The following PPA1 variants were observed in gnomAD, a reference collection of about 807,000 sequenced individuals.
PPA1 encodes inorganic pyrophosphatase 1.
Under a neutral mutation model 41.8 loss-of-function variants are expected in PPA1, and 23 were observed. That is an observed-to-expected ratio of 0.55 (90% CI 0.40 to 0.78). The LOEUF (loss-of-function observed/expected upper bound fraction) is 0.78. Among genes scored for constraint, PPA1 ranks in the 30% least tolerant of loss-of-function variants. PPA1 has a pLI of 0.00. For synonymous variants in PPA1, 101 were observed against 116.8 expected, an observed-to-expected ratio of 0.86 and a Z score of 0.87; for missense variants, 320 against 361.6, an observed-to-expected ratio of 0.89 and a Z score of 0.93.
At position 70,217,939 on chromosome 10, in the gene PPA1, A is replaced by G. The variant is rs375049484; in HGVS notation, c.178-8T>C. The stretch of plus-strand genomic sequence containing the variant: ...AGGGTCCTTTGTAGCAATCTGAAAT[A>G]AGAAAATTTCAAATCTTTGCATATT... On this transcript the variant is annotated splice_region_variant and splice_polypyrimidine_tract_variant and intron_variant, in intron 3 of 10. Coordinates refer to ENST00000373232, the MANE Select transcript of PPA1 (RefSeq NM_021129.4). 1.3e-6 allele frequency: 2 copies of G among 1,536,586 alleles called. No individual in the cohort carries two copies.
chr10:70,211,188 C>T (rs1383741613), intron 6 of PPA1, among the ~76,000 whole-genome samples: 1 of 152,154 alleles, frequency 6.6e-6, no homozygotes, highest in Non-Finnish European at 1.5e-5. Flanking sequence ...TTTCAAAGAA[C>T]TTATAATTTA....
intron 10 of PPA1, chr10:70,204,157 T>C (rs1020347646): frequency 1.3e-5 from 2 of 151,778 alleles, no homozygotes; most frequent in African/African-American, 4.9e-5. Context: ...GCCTGATTAG[T>C]GTTCAAGACC....
rs553020549 is a variant in PPA1, at chr10:70,232,857, C to T, written c.64+407G>A. Reference sequence around the variant, plus strand: ...TTAAGGTCTTTAGGAAGTCACTGCCCCCCCCGGCCCGGAGTCGCCTTTTCT... The same window carrying T: ...TTAAGGTCTTTAGGAAGTCACTGCCTCCCCCGGCCCGGAGTCGCCTTTTCT... On this transcript the variant is annotated intron_variant, in intron 1 of 10. Coordinates refer to ENST00000373232, the MANE Select transcript of PPA1 (RefSeq NM_021129.4). Among the ~76,000 whole-genome samples, 128 of 150,350 alleles carry T rather than the reference C, an allele frequency of 8.5e-4. 1 individual carries two copies. In the South Asian group the frequency reaches 0.026, roughly 31 times the overall value.
intron 10 of PPA1, chr10:70,204,543 C>A (rs942949792): frequency 9.4e-6 from 2 of 212,980 alleles, no homozygotes; most frequent in Admixed American, 5.7e-5. Flanking sequence ...AAAGGGCAGG[C>A]GATGGTCAAA....
chr10:70,208,800 T>G (rs979683482), intron 8 of PPA1, among the ~76,000 whole-genome samples: 1 of 151,606 alleles, frequency 6.6e-6, no homozygotes, highest in African/African-American at 2.4e-5. Flanking sequence ...TACTCTTTTT[T>G]TTTTTTTTTT....
rs1839918043 is a variant in PPA1 at position 70,204,724 on chromosome 10, A to C, written c.838+149T>G. The C allele has an allele frequency of 5.5e-5, 33 of 599,826 alleles. No individual in the cohort carries two copies. In the East Asian group the frequency reaches 1.0e-3, roughly 18 times the overall value. 37.2% of individuals were successfully genotyped at this position (599,826 alleles called of 1,614,324 possible). On this transcript the variant is annotated intron_variant, in intron 10 of 10. Coordinates refer to ENST00000373232, the MANE Select transcript of PPA1 (RefSeq NM_021129.4). ...AATGATTTCGTAATTAGCCAGATTTAATCATTCCACATTGTAAACATATAT... is the reference window on the plus strand; with the variant it reads ...AATGATTTCGTAATTAGCCAGATTTCATCATTCCACATTGTAAACATATAT...
At chr10:70,209,067 G>A in intron 8 of PPA1, 138 bp downstream of exon 8, 1 of 560,930 alleles carries the variant, frequency 1.8e-6, no homozygotes, top group South Asian at 3.5e-5. Flanking sequence ...GTGCTGGAAT[G>A]ACAGGTGTGA....
intron 6 of PPA1, among the ~76,000 whole-genome samples, chr10:70,212,315 A>C (rs1840029555): frequency 6.6e-6 from 1 of 152,208 alleles, no homozygotes; most frequent in East Asian, 1.9e-4. Context: ...TCTTGCTCAA[A>C]GTGTTCTAGC....
At chr10:70,232,262 G>A (rs531097260) in intron 1 of PPA1, among the ~76,000 whole-genome samples, 3 of 152,102 alleles carry the variant, frequency 2.0e-5, no homozygotes, top group Non-Finnish European at 4.4e-5. Context: ...CTCAGAGTTC[G>A]AGGCACCTGC....
intron 2 of PPA1, among the ~76,000 whole-genome samples, chr10:70,227,899 AT>A (rs931152872): frequency 6.6e-6 from 1 of 152,146 alleles, no homozygotes; most frequent in Non-Finnish European, 1.5e-5. Context: ...ATCACAATAG[AT>A]TTTTTATACA....
chr10:70,222,335 C>CAAAAAA (rs67974203), intron 2 of PPA1, among the ~76,000 whole-genome samples: 14 of 73,142 alleles, frequency 1.9e-4, no homozygotes, highest in East Asian at 4.6e-4. Context: ...GACTCCGTCT[C>CAAAAAA]AAAAAAAAAA....
intron 6 of PPA1, among the ~76,000 whole-genome samples, chr10:70,212,546 A>G (rs915820752): frequency 3.3e-5 from 5 of 152,220 alleles, no homozygotes; most frequent in African/African-American, 1.2e-4. Context: ...ATAAACCTAG[A>G]AAACATTATA....
chr10:70,214,714 T>C (rs1589892935), intron 4 of PPA1, 128 bp from the exon 5 acceptor site: 1 of 634,410 alleles, frequency 1.6e-6, no homozygotes, highest in South Asian at 2.5e-5. Context: ...TTTATTCGCA[T>C]TTAAGAATCT....
intron 6 of PPA1, chr10:70,210,169 C>T: frequency 3.0e-6 from 1 of 337,216 alleles, no homozygotes; most frequent in Non-Finnish European, 5.7e-6. Flanking sequence ...GCAGCCTTGA[C>T]CTCCACAGTT....
intron 6 of PPA1, among the ~76,000 whole-genome samples, chr10:70,212,823 CA>C (rs59163604): frequency 0.096 from 11,840 of 123,936 alleles, 1,000 homozygotes; most frequent in African/African-American, 0.25. Flanking sequence ...AATTTACCAC[CA>C]AAAAAAAAAA....
At chr10:70,213,763 TA>T (rs1223225307) in intron 5 of PPA1, among the ~76,000 whole-genome samples, 174 bp from the exon 6 acceptor site, 2 of 152,016 alleles carry the variant, frequency 1.3e-5, no homozygotes, top group Non-Finnish European at 2.9e-5. Context: ...TCAGTCCTAT[TA>T]AAGTTGAAAA....
chr10:70,208,542 C>T (rs1839976473), intron 8 of PPA1, among the ~76,000 whole-genome samples: 1 of 151,820 alleles, frequency 6.6e-6, no homozygotes, highest in Non-Finnish European at 1.5e-5. Context: ...TTGCCCCCAC[C>T]AGTCTCCAAT....
chr10:70,220,185 C>T (rs1353278058), intron 2 of PPA1, among the ~76,000 whole-genome samples: 1 of 151,714 alleles, frequency 6.6e-6, no homozygotes, highest in East Asian at 1.9e-4. Flanking sequence ...CCGCCTCAGC[C>T]TCCCAAAGTG....
chr10:70,222,683 TTTA>T (rs1480314321), intron 2 of PPA1, among the ~76,000 whole-genome samples: 1 of 152,144 alleles, frequency 6.6e-6, no homozygotes, highest in Non-Finnish European at 1.5e-5. Flanking sequence ...ACACTTTTTT[TTTA>T]TTATTATACT....
Sources: gnomAD v4.1 joint callset for allele counts (sites outside exome capture counted in the v4.1 genomes callset) on GRCh38, gnomAD v4.1.1 for gene constraint, MANE v1.5 for transcripts, NCBI Gene and HGNC (gene_info 2026-07-23, HGNC 2026-07-21) for gene names.